WBP2NL: variants seen among roughly 807,000 people sequenced by gnomAD.
The protein encoded by WBP2NL is postacrosomal sheath WW domain-binding protein.
WBP2NL carries 27 observed loss-of-function variants against 23.3 expected under a neutral mutation model. The observed-to-expected ratio is 1.16, with a 90% CI of 0.85 to 1.60. WBP2NL has a LOEUF of 1.60. Ranked by LOEUF, WBP2NL falls within the 40% of genes most tolerant of loss-of-function variation. The pLI is 0.00. For missense variants in WBP2NL, 370 were observed against 389.5 expected (o/e 0.95, Z 0.42); for synonymous variants, 151 against 145.9 (o/e 1.03, Z -0.25).
At position 42,019,293 on chromosome 22, in the gene WBP2NL, G is replaced by C; in HGVS notation, c.63-18G>C. On this transcript the variant is annotated intron_variant, in intron 1 of 5. Coordinates refer to ENST00000328823, the MANE Select transcript of WBP2NL (RefSeq NM_152613.3). ...ATACATTCTTTATTGTGTGCCGTCT[G>C]TTCCTCATTTTCTACAGTCTCTTGA... 6.2e-7 allele frequency: 1 copy of C among 1,601,176 alleles called. No individual in the cohort carries two copies. The highest frequency in any genetic ancestry group is 8.5e-7 in the Non-Finnish European group (1 of 1,172,766).
chr22:42,044,718 T>C (rs1253384561), intron 8 of WBP2NL, among the ~76,000 whole-genome samples: 2 of 152,106 alleles, frequency 1.3e-5, no homozygotes, highest in Non-Finnish European at 2.9e-5. Flanking sequence ...GGCAGGAAGA[T>C]TGCTTGAACC....
rs1923743121 is a variant in WBP2NL at position 42,020,097 on chromosome 22, G to GT, written c.406+2dup. Reference sequence around the variant, plus strand: ...TTGATGGTGAAAGCTGCCTCTGCTGGTAAGTGATGCTGATAAAGATATTAA... The same window carrying GT: ...TTGATGGTGAAAGCTGCCTCTGCTGGTTAAGTGATGCTGATAAAGATATTAA... On this transcript the variant is annotated splice_donor_variant, in intron 4 of 5. Coordinates refer to ENST00000328823, the MANE Select transcript of WBP2NL (RefSeq NM_152613.3). LOFTEE classifies it high-confidence loss of function. 1 of 1,612,678 alleles carries GT rather than the reference G, an allele frequency of 6.2e-7. No individual in the cohort carries two copies. Among genetic ancestry groups the GT allele is most frequent in the Non-Finnish European group, 8.5e-7 (1 of 1,178,988 alleles).
intron 1 of WBP2NL, among the ~76,000 whole-genome samples, chr22:42,011,644 G>A (rs966662644): frequency 6.6e-6 from 1 of 151,772 alleles, no homozygotes; most frequent in African/African-American, 2.4e-5. Context: ...GGTAGGTTGT[G>A]TTTTTCTAGG....
chr22:42,041,896 T>C (rs1044949609), intron 8 of WBP2NL, among the ~76,000 whole-genome samples: 13 of 152,234 alleles, frequency 8.5e-5, no homozygotes, highest in Middle Eastern at 3.2e-3. Flanking sequence ...TCAGTTTTTG[T>C]TTATGTGGGA....
At chr22:41,999,995 CT>C (rs1921447926) in intron 1 of WBP2NL, among the ~76,000 whole-genome samples, 1 of 152,162 alleles carries the variant, frequency 6.6e-6, no homozygotes, top group African/African-American at 2.4e-5. Flanking sequence ...CACACGCCCC[CT>C]TTCCCGTTTC....
Position 42,027,793 on chromosome 22 carries a change from A to G in WBP2NL, c.*612A>G, listed in dbSNP as rs923078331. The G allele has an allele frequency of 2.0e-5, 8 of 395,280 alleles. No homozygotes were observed. The highest frequency in any genetic ancestry group is 3.6e-5 in the Non-Finnish European group (8 of 224,562). The allele number at this position is 395,280 out of a possible 1,614,324, so 24.5% of individuals were successfully genotyped here. ...GAAGTTAAAAGATAGGCAACAGAAT[A>G]GGAAAAAGTGATTTTCAACATATAT... is the stretch of plus-strand genomic sequence containing the variant. On this transcript the variant is annotated 3_prime_UTR_variant, in exon 6 of 6. Coordinates refer to ENST00000328823, the MANE Select transcript of WBP2NL (RefSeq NM_152613.3).
chr22:42,007,442 C>T (rs133319), intron 1 of WBP2NL, among the ~76,000 whole-genome samples: 124,194 of 152,120 alleles, frequency 0.82, 51,289 homozygotes, highest in African/African-American at 0.94. Context: ...CATTAAAATA[C>T]ACTTATTGCA....
At chr22:42,038,173 C>G (rs1925261042) in intron 8 of WBP2NL, among the ~76,000 whole-genome samples, 1 of 152,090 alleles carries the variant, frequency 6.6e-6, no homozygotes, top group Non-Finnish European at 1.5e-5. Flanking sequence ...TTTGTTGAGT[C>G]TTTATCATGA....
chr22:42,010,190 GC>G (rs1044541746), intron 1 of WBP2NL, among the ~76,000 whole-genome samples: 2 of 152,102 alleles, frequency 1.3e-5, no homozygotes, highest in African/African-American at 4.8e-5. Flanking sequence ...TATTTTGACA[GC>G]TTTTTGGTGG....
At chr22:42,015,443 C>T (rs889352908) in intron 1 of WBP2NL, among the ~76,000 whole-genome samples, 6 of 152,048 alleles carry the variant, frequency 3.9e-5, no homozygotes, top group African/African-American at 1.2e-4. Flanking sequence ...TGCTCTGTTG[C>T]CCAGGCTGGA....
At chr22:42,020,275 A>C (rs1923769434) in intron 4 of WBP2NL, among the ~76,000 whole-genome samples, 179 bp downstream of exon 4, 1 of 151,918 alleles carries the variant, frequency 6.6e-6, no homozygotes, top group Non-Finnish European at 1.5e-5. Flanking sequence ...CCTGAACTCA[A>C]ATGATCCTCT....
At chr22:42,043,888 G>A (rs779962172) in intron 8 of WBP2NL, among the ~76,000 whole-genome samples, 13 of 151,996 alleles carry the variant, frequency 8.6e-5, no homozygotes, top group Non-Finnish European at 1.5e-4. Context: ...CATCATACCC[G>A]GCTAATTTTT....
chr22:42,034,222 A>G (rs1925094631), downstream of WBP2NL, among the ~76,000 whole-genome samples: 1 of 152,232 alleles, frequency 6.6e-6, no homozygotes, highest in Non-Finnish European at 1.5e-5. Context: ...TGCAAGGGCA[A>G]GGGGGTATCG....
intron 1 of WBP2NL, chr22:42,001,121 A>T: frequency 1.0e-6 from 1 of 970,202 alleles, no homozygotes; most frequent in Non-Finnish European, 1.6e-6. Flanking sequence ...AGCACCACCC[A>T]TGCCTCTGAG....
At chr22:42,016,169 C>T (rs1285136240) in intron 1 of WBP2NL, among the ~76,000 whole-genome samples, 2 of 151,710 alleles carry the variant, frequency 1.3e-5, no homozygotes, top group Admixed American at 6.6e-5. Flanking sequence ...TTAGTAGAGA[C>T]GGGGTTTCTC....
chr22:42,050,494 A>G (rs981057315), intron 8 of WBP2NL, among the ~76,000 whole-genome samples: 2 of 152,066 alleles, frequency 1.3e-5, no homozygotes, highest in Admixed American at 1.3e-4. Context: ...AAAAATATAT[A>G]AAAATTAGCT....
intron 8 of WBP2NL, among the ~76,000 whole-genome samples, chr22:42,043,893 A>AT (rs1272345822): frequency 2.0e-5 from 3 of 152,024 alleles, no homozygotes; most frequent in Admixed American, 6.6e-5. Flanking sequence ...TACCCGGCTA[A>AT]TTTTTTGTAT....
chr22:42,034,174 G>A (rs1925093506), downstream of WBP2NL, among the ~76,000 whole-genome samples: 1 of 152,368 alleles, frequency 6.6e-6, no homozygotes, highest in South Asian at 2.1e-4. Context: ...AGAGAAGGCA[G>A]GGAGAAGCTA....
intron 8 of WBP2NL, among the ~76,000 whole-genome samples, chr22:42,047,690 C>T (rs1057343840): frequency 1.5e-4 from 23 of 148,596 alleles, no homozygotes; most frequent in Admixed American, 1.0e-3. Context: ...GGCGCCGTCT[C>T]AGCTTACTGC....
Sources: gnomAD v4.1 joint callset for allele counts (sites outside exome capture counted in the v4.1 genomes callset) on GRCh38, gnomAD v4.1.1 for gene constraint, MANE v1.5 for transcripts, NCBI Gene and HGNC (gene_info 2026-07-23, HGNC 2026-07-21) for gene names.